The following ATRNL1 variants were observed in gnomAD, a reference collection of about 807,000 sequenced individuals.
The protein encoded by ATRNL1 is attractin-like protein 1.
In ATRNL1, 95 loss-of-function variants were observed where a neutral mutation model predicts 182.7. The ratio of observed to expected loss-of-function variants is 0.52; its 90% confidence interval spans 0.44 to 0.62. ATRNL1 has a LOEUF of 0.62. Ranked by LOEUF, ATRNL1 falls within the 20% of genes least tolerant of loss-of-function variation. ATRNL1 has a pLI of 0.00. For missense variants in ATRNL1, 1,471 were observed against 1,679.5 expected (o/e 0.88, Z 2.17); for synonymous variants, 576 against 568.3 (o/e 1.01, Z -0.19).
rs537595527 is a variant in ATRNL1 at position 115,781,002 on chromosome 10, A to G, written c.3903+53647A>G. Among the ~76,000 whole-genome samples, 19 of 152,300 alleles carry G rather than the reference A, an allele frequency of 1.2e-4. No individual in the cohort carries two copies. In the South Asian group the frequency reaches 3.9e-3, roughly 32 times the overall value. The stretch of plus-strand genomic sequence containing the variant: ...ATCTATATATGTGAACTCCAAATCA[A>G]TTTTTAAAAGGCACAGTCAACTTGA... On this transcript the variant is annotated intron_variant, in intron 27 of 28. Coordinates refer to ENST00000355044, the MANE Select transcript of ATRNL1 (RefSeq NM_207303.4).
chr10:115,466,469 T>C (rs1848057498), intron 22 of ATRNL1, among the ~76,000 whole-genome samples: 1 of 151,288 alleles, frequency 6.6e-6, no homozygotes. Flanking sequence ...TACTTTCTGC[T>C]TCTTACGTCT....
chr10:115,509,974 C>T (rs1037671472), intron 24 of ATRNL1, among the ~76,000 whole-genome samples: 3 of 151,896 alleles, frequency 2.0e-5, no homozygotes, highest in Non-Finnish European at 2.9e-5. Context: ...AGTTGATTCC[C>T]ACCCTCATAG....
intron 20 of ATRNL1, among the ~76,000 whole-genome samples, chr10:115,422,478 A>G (rs1365280321): frequency 6.6e-6 from 1 of 152,150 alleles, no homozygotes; most frequent in African/African-American, 2.4e-5. Flanking sequence ...GCAAATCAGA[A>G]CCACAATATG....
At chr10:115,379,487 T>C (rs1425072159) in intron 19 of ATRNL1, among the ~76,000 whole-genome samples, 1 of 152,228 alleles carries the variant, frequency 6.6e-6, no homozygotes, top group Non-Finnish European at 1.5e-5. Flanking sequence ...GCATAACTAG[T>C]ATCCAGTTTT....
At chr10:115,414,385 TCTC>T (rs1202833901) in intron 20 of ATRNL1, among the ~76,000 whole-genome samples, 2 of 151,360 alleles carry the variant, frequency 1.3e-5, no homozygotes, top group Admixed American at 1.3e-4. Flanking sequence ...TCCCCTTACC[TCTC>T]CTCCTATTTC....
rs1163853564 is a variant in ATRNL1 at position 115,187,751 on chromosome 10, G to A, written c.1348+16459G>A. On this transcript the variant is annotated intron_variant, in intron 8 of 28. Coordinates refer to ENST00000355044, the MANE Select transcript of ATRNL1 (RefSeq NM_207303.4). Reference sequence around the variant, plus strand: ...CTGTAGCCCAGGCTGGAGTGATCTCGGCTCACTGCAACCTCCACTTCCCGG... The same window carrying A: ...CTGTAGCCCAGGCTGGAGTGATCTCAGCTCACTGCAACCTCCACTTCCCGG... 3.7e-4 allele frequency among the ~76,000 whole-genome samples: 52 copies of A among 140,552 alleles called. 1 individual carries two copies. The highest frequency in any genetic ancestry group is 7.5e-4 in the Non-Finnish European group (50 of 66,638). 92.2% of individuals were successfully genotyped at this position (140,552 alleles called of 152,430 possible).
Position 115,307,144 on chromosome 10 carries a change from A to G in ATRNL1, c.2818+5101A>G, listed in dbSNP as rs529045251. Among the ~76,000 whole-genome samples the G allele has an allele frequency of 5.3e-5, 8 of 152,272 alleles. No homozygotes were observed. In the South Asian group the frequency reaches 1.4e-3, roughly 28 times the overall value. ...TCTAGTTTGCTATTTTTTCTCCTCTATAGTTCCTTTCTCTGTTCTGTTGTC... is the reference window on the plus strand; with the variant it reads ...TCTAGTTTGCTATTTTTTCTCCTCTGTAGTTCCTTTCTCTGTTCTGTTGTC... On this transcript the variant is annotated intron_variant, in intron 17 of 28. Coordinates refer to ENST00000355044, the MANE Select transcript of ATRNL1 (RefSeq NM_207303.4).
At chr10:115,105,621 G>T (rs1843973962) in intron 1 of ATRNL1, among the ~76,000 whole-genome samples, 1 of 152,232 alleles carries the variant, frequency 6.6e-6, no homozygotes, top group African/African-American at 2.4e-5. Context: ...GGGTTCCTGT[G>T]CTGTATGCAG....
intron 25 of ATRNL1, among the ~76,000 whole-genome samples, chr10:115,533,548 A>T (rs1851747335): frequency 6.6e-6 from 1 of 152,118 alleles, no homozygotes; most frequent in Admixed American, 6.5e-5. Context: ...CCTTTCAAAA[A>T]ACCAGCTCCT....
intron 26 of ATRNL1, among the ~76,000 whole-genome samples, chr10:115,660,419 T>A (rs188084395): frequency 6.6e-6 from 1 of 152,170 alleles, no homozygotes; most frequent in East Asian, 1.9e-4. Flanking sequence ...GTGTAGTAAT[T>A]ATATAGATAA....
intron 24 of ATRNL1, among the ~76,000 whole-genome samples, chr10:115,506,586 A>G (rs1167335303): frequency 6.6e-6 from 1 of 152,082 alleles, no homozygotes; most frequent in African/African-American, 2.4e-5. Context: ...AACTCCATAA[A>G]GGAGTTATCT....
chr10:115,841,033 C>T (rs1426124298), intron 27 of ATRNL1, among the ~76,000 whole-genome samples: 2 of 152,072 alleles, frequency 1.3e-5, no homozygotes, highest in East Asian at 1.9e-4. Context: ...CAGGTTGTTA[C>T]AAACCTAATT....
At chr10:115,577,370 CATTT>C (rs1369142719) in intron 26 of ATRNL1, among the ~76,000 whole-genome samples, 2 of 151,656 alleles carry the variant, frequency 1.3e-5, no homozygotes, top group Non-Finnish European at 3.0e-5. Flanking sequence ...CAGAACTTTC[CATTT>C]ATTTGTGCCT....
chr10:115,566,134 T>C (rs1198830024), intron 26 of ATRNL1, among the ~76,000 whole-genome samples: 1 of 152,108 alleles, frequency 6.6e-6, no homozygotes, highest in Non-Finnish European at 1.5e-5. Context: ...GGTGTCTTGC[T>C]GTATGGCCCA....
At chr10:115,368,755 C>A (rs961094416) in intron 19 of ATRNL1, among the ~76,000 whole-genome samples, 2 of 151,568 alleles carry the variant, frequency 1.3e-5, no homozygotes, top group Non-Finnish European at 2.9e-5. Flanking sequence ...GCTCTTCCGC[C>A]CAGGCTGGAA....
At chr10:115,153,292 G>C (rs1846333637) in intron 5 of ATRNL1, among the ~76,000 whole-genome samples, 1 of 152,160 alleles carries the variant, frequency 6.6e-6, no homozygotes, top group African/African-American at 2.4e-5. Context: ...AGAAGGAATG[G>C]TACCAGCTCC....
At chr10:115,595,950 A>C (rs2769394) in intron 26 of ATRNL1, among the ~76,000 whole-genome samples, 72,342 of 151,868 alleles carry the variant, frequency 0.48, 18,699 homozygotes, top group East Asian at 0.84. Flanking sequence ...TCAAGTCAAA[A>C]GATAACAGCT....
At chr10:115,561,966 T>G (rs1853782521) in intron 26 of ATRNL1, among the ~76,000 whole-genome samples, 1 of 152,122 alleles carries the variant, frequency 6.6e-6, no homozygotes, top group African/African-American at 2.4e-5. Flanking sequence ...TAATACACTC[T>G]GACAATTCCT....
intron 26 of ATRNL1, among the ~76,000 whole-genome samples, chr10:115,666,878 C>T (rs915890596): frequency 6.6e-6 from 1 of 151,312 alleles, no homozygotes; most frequent in African/African-American, 2.5e-5. Flanking sequence ...ATACTTAAAT[C>T]CACTTTTAAA....
Sources: allele counts gnomAD v4.1 joint callset (sites outside exome capture counted in the v4.1 genomes callset), GRCh38; gene constraint gnomAD v4.1.1; transcripts MANE v1.5; gene names NCBI Gene and HGNC (gene_info 2026-07-23, HGNC 2026-07-21).